The following NEDD1 variants were observed in gnomAD, a reference collection of about 807,000 sequenced individuals.
NEDD1 encodes protein NEDD1.
A neutral mutation model predicts 74.0 loss-of-function variants in NEDD1; 33 were observed. The observed-to-expected ratio is 0.45, with a 90% CI of 0.34 to 0.60. The LOEUF (loss-of-function observed/expected upper bound fraction) is 0.60, where lower values mean the gene tolerates loss of function less well. Among genes scored for constraint, NEDD1 ranks in the 20% least tolerant of loss-of-function variants. The pLI is 0.01. For synonymous variants in NEDD1, 250 were observed against 264.4 expected, an observed-to-expected ratio of 0.95 and a Z score of 0.53; for missense variants, 746 against 776.5, an observed-to-expected ratio of 0.96 and a Z score of 0.47.
At chr12:96,918,745 T>C (rs1401026881) in intron 5 of NEDD1, among the ~76,000 whole-genome samples, 2 of 152,228 alleles carry the variant, frequency 1.3e-5, no homozygotes, top group Non-Finnish European at 2.9e-5. Flanking sequence ...CTGAATGACT[T>C]ATTCTCCACA....
intron 14 of NEDD1, among the ~76,000 whole-genome samples, chr12:96,946,805 TAGC>T (rs1331668015): frequency 6.6e-6 from 1 of 152,158 alleles, no homozygotes; most frequent in African/African-American, 2.4e-5. Flanking sequence ...GTTCGTGTAA[TAGC>T]AGCCAAAATA....
intron 6 of NEDD1, among the ~76,000 whole-genome samples, chr12:96,932,464 ATATAT>A (rs1415582361): frequency 2.2e-3 from 80 of 36,130 alleles, no homozygotes; most frequent in African/African-American, 0.012. Flanking sequence ...AAAAAAAAAA[ATATAT>A]ATATATATAT....
At chr12:96,928,832 G>A (rs982836145) in intron 6 of NEDD1, among the ~76,000 whole-genome samples, 2 of 151,440 alleles carry the variant, frequency 1.3e-5, no homozygotes, top group African/African-American at 2.4e-5. Context: ...GACTACAGGC[G>A]CCTGCTACCA....
intron 8 of NEDD1, 29 bp downstream of exon 8, chr12:96,936,841 A>G (rs764957951): frequency 4.4e-6 from 6 of 1,358,498 alleles, no homozygotes; most frequent in African/African-American, 1.4e-5. Flanking sequence ...AGCATTTTTT[A>G]TTTTATTAAA....
In NEDD1 at chr12:96,952,643, C is replaced by A. The variant is rs1025519303; in HGVS notation, c.*590C>A. ...TTGAATTGCACAAATTACATGATAT[C>A]TTTTGCATTTATGTTACTATATTGT... On this transcript the variant is annotated 3_prime_UTR_variant, in exon 16 of 16. Transcript: ENST00000266742. 123 of 151,826 alleles carry A rather than the reference C, an allele frequency of 8.1e-4. 1 individual carries two copies. The highest frequency in any genetic ancestry group is 2.8e-3 in the African/African-American group (116 of 41,506). The allele number at this position is 151,826 out of a possible 1,614,324, so 9.4% of individuals were successfully genotyped here. A position where few individuals can be genotyped will look rare whatever the true frequency, so the allele number is the denominator to read the frequency against.
At chr12:96,915,565 T>C (rs1874348850) in intron 4 of NEDD1, among the ~76,000 whole-genome samples, 1 of 152,234 alleles carries the variant, frequency 6.6e-6, no homozygotes, top group African/African-American at 2.4e-5. Flanking sequence ...TTTTAACTTT[T>C]CTTGAAGTCA....
intron 6 of NEDD1, among the ~76,000 whole-genome samples, chr12:96,921,880 T>C (rs1875140738): frequency 6.6e-6 from 1 of 151,872 alleles, no homozygotes; most frequent in African/African-American, 2.4e-5. Flanking sequence ...TCTCCCAAAG[T>C]GCTGGGATTA....
chr12:96,941,618 C>G (rs1366737081), intron 10 of NEDD1, among the ~76,000 whole-genome samples: 1 of 151,948 alleles, frequency 6.6e-6, no homozygotes, highest in Non-Finnish European at 1.5e-5. Flanking sequence ...TGCTGAATTG[C>G]GAGTTTTGGC....
chr12:96,909,609 C>T, intron 2 of NEDD1, 143 bp from the exon 3 acceptor site: 3 of 630,610 alleles, frequency 4.8e-6, no homozygotes, highest in Non-Finnish European at 8.2e-6. Context: ...TTAGGAAAAT[C>T]ACTTCAACTG....
chr12:96,946,708 C>T (rs1246313983), intron 14 of NEDD1, among the ~76,000 whole-genome samples: 2 of 152,108 alleles, frequency 1.3e-5, no homozygotes, highest in Admixed American at 1.3e-4. Flanking sequence ...GTGTGTTCTG[C>T]CATGTGTGTT....
chr12:96,907,525 T>C (rs1873448786), intron 1 of NEDD1, 79 bp from the exon 2 acceptor site: 1 of 1,190,912 alleles, frequency 8.4e-7, no homozygotes, highest in Non-Finnish European at 1.2e-6. Context: ...TTGTGGGGTG[T>C]GCTGCCTCCG....
Position 96,917,690 on chromosome 12 carries a change from G to T in NEDD1, c.301G>T (p.Val101Phe). The change falls in exon 5 of 16, where the codon GTT becomes TTT. Residue 101 changes from valine to phenylalanine, a missense_variant. Coordinates refer to ENST00000266742, the MANE Select transcript of NEDD1 (RefSeq NM_152905.4). ...GGTAAGCGGAGGCCTAAATAACACT[G>T]TTAATATTTGGGATTTAAAATCAAA... ...YLVSGGLNNT[V>F]NIWDLKSKRV... 1 of 1,558,016 alleles carries T rather than the reference G, an allele frequency of 6.4e-7. No homozygotes were observed. The highest frequency in any genetic ancestry group is 8.6e-7 in the Non-Finnish European group (1 of 1,162,450).
chr12:96,912,191 A>G (rs1479899184), intron 3 of NEDD1, among the ~76,000 whole-genome samples: 1 of 152,132 alleles, frequency 6.6e-6, no homozygotes, highest in Admixed American at 6.5e-5. Flanking sequence ...AGTTACTGTA[A>G]TAGTCATTCT....
At chr12:96,918,940 G>T (rs1027180743) in intron 5 of NEDD1, among the ~76,000 whole-genome samples, 3 of 152,126 alleles carry the variant, frequency 2.0e-5, no homozygotes, top group African/African-American at 7.2e-5. Flanking sequence ...AATAGGTAAA[G>T]AAATCTCTGA....
chr12:96,940,330 C>T, intron 9 of NEDD1, 79 bp from the exon 10 acceptor site: 1 of 763,796 alleles, frequency 1.3e-6, no homozygotes, highest in Non-Finnish European at 2.1e-6. Flanking sequence ...ATGAGTGATA[C>T]ATTAATTTTT....
chr12:96,909,753 C>A lies in NEDD1; in HGVS notation c.-7C>A. 6.2e-7 allele frequency: 1 copy of A among 1,608,202 alleles called. No individual in the cohort carries two copies. The highest frequency in any genetic ancestry group is 1.7e-4 in the Middle Eastern group (1 of 6,042). Reference sequence around the variant, plus strand: ...TACATTGTTTTAAACTATTTGTAGGCGCAGTCATGCAGGAAAACCTCAGAT... The same window carrying A: ...TACATTGTTTTAAACTATTTGTAGGAGCAGTCATGCAGGAAAACCTCAGAT... On this transcript the variant is annotated splice_region_variant and 5_prime_UTR_variant, in exon 3 of 16. Coordinates refer to ENST00000266742, the MANE Select transcript of NEDD1 (RefSeq NM_152905.4).
chr12:96,927,227 C>G (rs1375962522), intron 6 of NEDD1, among the ~76,000 whole-genome samples: 1 of 152,098 alleles, frequency 6.6e-6, no homozygotes, highest in African/African-American at 2.4e-5. Flanking sequence ...TAAAAATGAT[C>G]AAATTAGTGT....
At chr12:96,951,676 T>G (rs1274008419) in intron 15 of NEDD1, among the ~76,000 whole-genome samples, 178 bp downstream of exon 15, 1 of 151,754 alleles carries the variant, frequency 6.6e-6, no homozygotes, top group Non-Finnish European at 1.5e-5. Flanking sequence ...TTTTAACCTC[T>G]GAGATACTTA....
At chr12:96,947,754 T>G (rs1878336446) in intron 14 of NEDD1, among the ~76,000 whole-genome samples, 1 of 152,192 alleles carries the variant, frequency 6.6e-6, no homozygotes, top group Non-Finnish European at 1.5e-5. Flanking sequence ...ATCTAACCTG[T>G]TCCTGGCTTT....
Sources: allele counts gnomAD v4.1 joint callset (sites outside exome capture counted in the v4.1 genomes callset), GRCh38; gene constraint gnomAD v4.1.1; transcripts MANE v1.5; gene names NCBI Gene and HGNC (gene_info 2026-07-23, HGNC 2026-07-21).